SGCD: variants seen among roughly 807,000 people sequenced by gnomAD.
The protein encoded by SGCD is delta-sarcoglycan.
A neutral mutation model predicts 36.6 loss-of-function variants in SGCD; 18 were observed. The ratio of observed to expected loss-of-function variants is 0.49; its 90% CI spans 0.34 to 0.73. The LOEUF (loss-of-function observed/expected upper bound fraction) is 0.73, where lower values mean the gene tolerates loss of function less well. SGCD is among the 30% of genes least tolerant of loss of function. The pLI is 0.01. For missense variants in SGCD, 387 were observed against 346.7 expected, an observed-to-expected ratio of 1.12 and a Z score of -0.92; for synonymous variants, 133 against 130.6, an observed-to-expected ratio of 1.02 and a Z score of -0.12.
chr5:156,210,369 A>G (rs1192268900), intron 3 of SGCD, among the ~76,000 whole-genome samples: 1 of 152,198 alleles, frequency 6.6e-6, no homozygotes, highest in Non-Finnish European at 1.5e-5. Flanking sequence ...TGACAAGTAC[A>G]TAGATATTAA....
intron 1 of SGCD, among the ~76,000 whole-genome samples, chr5:155,888,881 A>G (rs1039907568): frequency 5.3e-5 from 8 of 152,074 alleles, no homozygotes; most frequent in African/African-American, 1.9e-4. Context: ...TAATGTCCAC[A>G]TCCTTCACTT....
At chr5:155,870,969 G>T (rs572391319) in intron 1 of SGCD, among the ~76,000 whole-genome samples, 7 of 152,038 alleles carry the variant, frequency 4.6e-5, no homozygotes, top group African/African-American at 1.4e-4. Context: ...TCTTTGCAGG[G>T]TCGGAAAGTA....
chr5:156,061,544 C>A lies in SGCD; in HGVS notation c.-281-56334C>A, dbSNP rs542982437. Among the ~76,000 whole-genome samples the A allele has an allele frequency of 1.5e-4, 22 of 145,672 alleles. 3 individuals carry two copies. Among genetic ancestry groups the A allele is most frequent in the Non-Finnish European group, 2.9e-4 (19 of 64,662 alleles). ...GGGAGGAAAATATTTAAAAACAAAC[C>A]CACTGCATGAATGTTAATGAATTGG... On this transcript the variant is annotated intron_variant, in intron 1 of 9. Transcript: ENST00000517913.
the SGCD span, among the ~76,000 whole-genome samples, chr5:155,737,257 A>G: frequency 1.3e-5 from 2 of 152,230 alleles, no homozygotes; most frequent in Non-Finnish European, 2.9e-5. Flanking sequence ...ATTTTATGTC[A>G]TCAGTATATA....
intron 4 of SGCD, among the ~76,000 whole-genome samples, chr5:156,520,753 C>T (rs139085097): frequency 0.037 from 5,588 of 152,140 alleles, 236 homozygotes; most frequent in African/African-American, 0.1. Flanking sequence ...CGCGGTGGCT[C>T]ATGCCTGTAA....
chr5:156,171,085 C>A (rs78275475), intron 3 of SGCD, among the ~76,000 whole-genome samples: 3 of 152,018 alleles, frequency 2.0e-5, no homozygotes, highest in Non-Finnish European at 4.4e-5. Context: ...TGTGTCTTTG[C>A]GGTTTGGACA....
intron 3 of SGCD, among the ~76,000 whole-genome samples, chr5:156,379,098 G>T (rs1770837493): frequency 6.6e-6 from 1 of 152,038 alleles, no homozygotes; most frequent in African/African-American, 2.4e-5. Context: ...CCTATCAGAT[G>T]CCAATTATTC....
chr5:156,517,939 T>C (rs1757249666), intron 4 of SGCD, among the ~76,000 whole-genome samples: 1 of 152,122 alleles, frequency 6.6e-6, no homozygotes, highest in Non-Finnish European at 1.5e-5. Context: ...CCAACAAGTC[T>C]GCAAAATAAC....
the SGCD span, among the ~76,000 whole-genome samples, chr5:155,839,323 G>A: frequency 6.6e-6 from 1 of 152,100 alleles, no homozygotes; most frequent in Non-Finnish European, 1.5e-5. Context: ...AGTTACATAT[G>A]GCATGTCCTT....
chr5:156,321,503 A>G (rs1767668922), intron 3 of SGCD, among the ~76,000 whole-genome samples: 1 of 152,176 alleles, frequency 6.6e-6, no homozygotes, highest in Non-Finnish European at 1.5e-5. Context: ...AGTCTTTGGT[A>G]TTTTGTCATC....
intron 3 of SGCD, among the ~76,000 whole-genome samples, chr5:156,367,412 T>C (rs1424622349): frequency 6.6e-6 from 1 of 152,228 alleles, no homozygotes; most frequent in Non-Finnish European, 1.5e-5. Context: ...GTATATGTTT[T>C]CCAAACCTTG....
At chr5:155,757,007 G>A in the SGCD span, among the ~76,000 whole-genome samples, 1 of 152,272 alleles carries the variant, frequency 6.6e-6, no homozygotes, top group South Asian at 2.1e-4. Context: ...GTAAGCAGTG[G>A]GTGATACCAG....
intron 7 of SGCD, among the ~76,000 whole-genome samples, chr5:156,700,650 TA>T (rs929877637): frequency 2.0e-5 from 3 of 151,634 alleles, no homozygotes; most frequent in Non-Finnish European, 2.9e-5. Context: ...TCATCCCCTA[TA>T]AAAAAAATAA....
chr5:156,619,420 G>T (rs965259608), intron 6 of SGCD, among the ~76,000 whole-genome samples: 5 of 152,232 alleles, frequency 3.3e-5, no homozygotes, highest in African/African-American at 1.2e-4. Context: ...TCAAGCCATA[G>T]TTAGTGTGTT....
At chr5:156,015,714 C>T (rs952871072) in intron 1 of SGCD, among the ~76,000 whole-genome samples, 6 of 150,836 alleles carry the variant, frequency 4.0e-5, no homozygotes, top group East Asian at 1.9e-4. Flanking sequence ...ATATGAATGA[C>T]GTGTATAATA....
intron 1 of SGCD, among the ~76,000 whole-genome samples, chr5:155,988,567 C>T (rs1231717729): frequency 6.6e-6 from 1 of 151,750 alleles, no homozygotes; most frequent in Non-Finnish European, 1.5e-5. Flanking sequence ...CTTAATTGGT[C>T]AAACTGATCT....
intron 7 of SGCD, among the ~76,000 whole-genome samples, chr5:156,653,493 C>CTTTTTTTGTTTTTTTTTTTTTTTT (rs1763546372): frequency 2.1e-5 from 1 of 48,082 alleles, no homozygotes; most frequent in Non-Finnish European, 4.0e-5. Flanking sequence ...CTAAAGCTTG[C>CTTTTTTTGTTTTTTTTTTTTTTTT]TTTTTTTTTT....
the SGCD span, among the ~76,000 whole-genome samples, chr5:155,731,923 T>A: frequency 6.6e-6 from 1 of 152,224 alleles, no homozygotes; most frequent in African/African-American, 2.4e-5. Context: ...GTTTCTGGAT[T>A]TCTTCGTAAG....
the SGCD span, among the ~76,000 whole-genome samples, chr5:155,801,575 T>C: frequency 6.6e-6 from 1 of 152,218 alleles, no homozygotes; most frequent in Non-Finnish European, 1.5e-5. Context: ...TGGTAGTAGC[T>C]GCTTTCCTTA....
Sources: gnomAD v4.1 joint callset for allele counts (sites outside exome capture counted in the v4.1 genomes callset) on GRCh38, gnomAD v4.1.1 for gene constraint, MANE v1.5 for transcripts, NCBI Gene and HGNC (gene_info 2026-07-23, HGNC 2026-07-21) for gene names.